PHF24: variants seen among roughly 807,000 people sequenced by gnomAD.
PHF24 encodes the protein Galpha inhibitory interacting protein.
In PHF24, 25 loss-of-function variants were observed where a neutral mutation model predicts 42.6. That is an observed-to-expected ratio of 0.59 (90% CI 0.43 to 0.82). PHF24 has a LOEUF of 0.82. Among genes scored for constraint, PHF24 ranks in the 40% least tolerant of loss-of-function variants. The probability of loss-of-function intolerance (pLI) is 0.00; values close to 1 mark genes in which losing one functional copy is unlikely to be tolerated. For synonymous variants in PHF24, 185 were observed against 204.8 expected, an observed-to-expected ratio of 0.90 and a Z score of 0.83; for missense variants, 470 against 538.1, an observed-to-expected ratio of 0.87 and a Z score of 1.25.
chr9:34,709,802 A>C, the PHF24 span: 1 of 1,614,176 alleles, frequency 6.2e-7, no homozygotes, highest in Non-Finnish European at 8.5e-7. Flanking sequence ...GAGCAGCCTA[A>C]GCTTGGTTCC....
chr9:34,780,233 C>G, the PHF24 span, among the ~76,000 whole-genome samples: 1 of 149,748 alleles, frequency 6.7e-6, no homozygotes, highest in African/African-American at 2.5e-5. Context: ...GGGGAGAAAT[C>G]TTTATAGCCT....
chr9:34,751,759 C>T, the PHF24 span, among the ~76,000 whole-genome samples: 3 of 152,088 alleles, frequency 2.0e-5, no homozygotes, highest in African/African-American at 4.8e-5. Flanking sequence ...ACATTCTTCT[C>T]CTCAGCACAT....
At chr9:34,695,880 C>G in the PHF24 span, among the ~76,000 whole-genome samples, 6 of 152,116 alleles carry the variant, frequency 3.9e-5, no homozygotes, top group Non-Finnish European at 7.4e-5. Context: ...AGTACCAGGA[C>G]ATAGATTCCC....
chr9:34,677,478 G>A, the PHF24 span, among the ~76,000 whole-genome samples: 2 of 141,094 alleles, frequency 1.4e-5, no homozygotes, highest in Non-Finnish European at 3.0e-5. Context: ...CTCACTGTAA[G>A]CTCCGCCTCC....
the PHF24 span, among the ~76,000 whole-genome samples, chr9:34,708,309 C>G: frequency 2.6e-5 from 4 of 151,724 alleles, no homozygotes; most frequent in African/African-American, 4.8e-5. Context: ...GGATCCCAGC[C>G]AGGAAAGAAA....
At chr9:34,735,807 A>G in the PHF24 span, among the ~76,000 whole-genome samples, 1 of 152,050 alleles carries the variant, frequency 6.6e-6, no homozygotes, top group Non-Finnish European at 1.5e-5. Context: ...TCTAAAAAAA[A>G]AAAAGAGAGA....
chr9:34,774,198 C>T, the PHF24 span, among the ~76,000 whole-genome samples: 2 of 152,128 alleles, frequency 1.3e-5, no homozygotes, highest in African/African-American at 4.8e-5. Flanking sequence ...GATTTCTTGG[C>T]TATGACACCA....
At chr9:34,679,953 C>T in the PHF24 span, among the ~76,000 whole-genome samples, 2 of 152,166 alleles carry the variant, frequency 1.3e-5, no homozygotes, top group South Asian at 2.1e-4. Context: ...TGAGTTCAGC[C>T]TAGTGAGGCC....
At chr9:34,710,123 A>G in the PHF24 span, 7 of 1,490,756 alleles carry the variant, frequency 4.7e-6, no homozygotes, top group Non-Finnish European at 5.6e-6. Flanking sequence ...GGCAGCTGCA[A>G]GTTGGGGGTC....
the PHF24 span, among the ~76,000 whole-genome samples, chr9:34,928,221 A>AG: frequency 3.3e-5 from 5 of 151,658 alleles, no homozygotes; most frequent in Admixed American, 3.3e-4. Context: ...TGTCTCAAAA[A>AG]AAAAAAAAAA....
the PHF24 span, among the ~76,000 whole-genome samples, chr9:34,802,911 T>G: frequency 6.6e-6 from 1 of 152,206 alleles, no homozygotes; most frequent in South Asian, 2.1e-4. Flanking sequence ...GTTTTGAGAC[T>G]TCCTGCCATT....
At chr9:34,921,870 T>C in the PHF24 span, among the ~76,000 whole-genome samples, 7 of 152,198 alleles carry the variant, frequency 4.6e-5, no homozygotes, top group African/African-American at 1.7e-4. Context: ...TGCTTAGACA[T>C]GGAAGCAGTT....
chr9:34,723,482 C>G, the PHF24 span: 19 of 1,551,698 alleles, frequency 1.2e-5, no homozygotes, highest in Admixed American at 3.7e-4. Context: ...TGGAGCCAGG[C>G]TCTTTGCAAC....
the PHF24 span, among the ~76,000 whole-genome samples, chr9:34,767,794 C>G: frequency 6.6e-6 from 1 of 152,242 alleles, no homozygotes; most frequent in African/African-American, 2.4e-5. Context: ...CCATCTTCTG[C>G]GTCGCTCACG....
At chr9:34,801,300 A>G in the PHF24 span, among the ~76,000 whole-genome samples, 1 of 152,228 alleles carries the variant, frequency 6.6e-6, no homozygotes, top group Non-Finnish European at 1.5e-5. Context: ...TACTGGGTAC[A>G]CTCAAAGGAT....
the PHF24 span, among the ~76,000 whole-genome samples, chr9:34,683,295 A>G: frequency 6.6e-6 from 1 of 152,250 alleles, no homozygotes; most frequent in African/African-American, 2.4e-5. Context: ...TCCTGACCTC[A>G]GGTGATCCAC....
chr9:34,706,216 T>A, the PHF24 span, among the ~76,000 whole-genome samples: 1 of 152,200 alleles, frequency 6.6e-6, no homozygotes, highest in Admixed American at 6.5e-5. Flanking sequence ...AATTATGATC[T>A]AAATATGGTA....
the PHF24 span, chr9:34,690,155 G>A: frequency 1.2e-6 from 2 of 1,605,328 alleles, no homozygotes; most frequent in Admixed American, 3.3e-5. Flanking sequence ...GAAGGTGGGA[G>A]TCTCAACAGG....
At chr9:34,932,885 T>C in the PHF24 span, among the ~76,000 whole-genome samples, 1 of 152,012 alleles carries the variant, frequency 6.6e-6, no homozygotes, top group Non-Finnish European at 1.5e-5. Flanking sequence ...ACTGCTTCTC[T>C]CTTCTCTATC....
Sources: gnomAD v4.1 joint callset for allele counts (sites outside exome capture counted in the v4.1 genomes callset) on GRCh38, gnomAD v4.1.1 for gene constraint, MANE v1.5 for transcripts, NCBI Gene and HGNC (gene_info 2026-07-23, HGNC 2026-07-21) for gene names.